The following CADPS2 variants were observed in gnomAD, a reference collection of about 807,000 sequenced individuals.
CADPS2 encodes calcium-dependent secretion activator 2.
Under a neutral mutation model 172.5 loss-of-function variants are expected in CADPS2, and 93 were observed. That is an observed-to-expected ratio of 0.54 (90% CI 0.46 to 0.64). The LOEUF is 0.64. CADPS2 is among the 30% of genes least tolerant of loss of function. CADPS2 has a pLI of 0.00. For missense variants in CADPS2, 1,420 were observed against 1,565.9 expected, an observed-to-expected ratio of 0.91 and a Z score of 1.57; for synonymous variants, 546 against 555.2, an observed-to-expected ratio of 0.98 and a Z score of 0.23.
chr7:122,668,836 T>A (rs527296416), intron 2 of CADPS2, among the ~76,000 whole-genome samples: 1 of 152,340 alleles, frequency 6.6e-6, no homozygotes, highest in South Asian at 2.1e-4. Flanking sequence ...GGAAGCCCTG[T>A]CTTCCCCACC....
chr7:122,808,250 A>C (rs5006721), intron 1 of CADPS2, among the ~76,000 whole-genome samples: 32,572 of 152,004 alleles, frequency 0.21, 3,708 homozygotes, highest in Middle Eastern at 0.32. Context: ...GTGTGTTGTT[A>C]AACTGCTTCC....
chr7:122,489,980 C>A, intron 11 of CADPS2, 101 bp downstream of exon 11: 1 of 939,090 alleles, frequency 1.1e-6, no homozygotes, highest in Non-Finnish European at 1.6e-6. Context: ...AATTAGGAAT[C>A]AATTAATGAT....
At chr7:122,364,726 CA>C (rs376223248) in intron 25 of CADPS2, among the ~76,000 whole-genome samples, 54 of 137,274 alleles carry the variant, frequency 3.9e-4, no homozygotes, top group Middle Eastern at 3.9e-3. Context: ...GACTCCATCT[CA>C]AAAAAAAAAA....
intron 2 of CADPS2, among the ~76,000 whole-genome samples, chr7:122,723,915 A>G (rs144320269): frequency 0.072 from 10,921 of 151,982 alleles, 434 homozygotes; most frequent in South Asian, 0.17. Flanking sequence ...ATTCTCAGCA[A>G]ACTGTCACAA....
chr7:122,869,454 A>G (rs1208172978), intron 1 of CADPS2, among the ~76,000 whole-genome samples: 2 of 152,046 alleles, frequency 1.3e-5, no homozygotes, highest in Non-Finnish European at 2.9e-5. Context: ...AAAAATAACA[A>G]AACTGCCAAT....
chr7:122,826,464 TA>T (rs1256519270), intron 1 of CADPS2, among the ~76,000 whole-genome samples: 1 of 152,084 alleles, frequency 6.6e-6, no homozygotes, highest in African/African-American at 2.4e-5. Context: ...TGAAAAGAGA[TA>T]ATCAACAGAA....
chr7:122,610,661 T>C (rs2133767634), intron 6 of CADPS2, among the ~76,000 whole-genome samples: 1 of 152,194 alleles, frequency 6.6e-6, no homozygotes, highest in South Asian at 2.1e-4. Context: ...CTAAAAATCA[T>C]CTAATCTACA....
intron 28 of CADPS2, among the ~76,000 whole-genome samples, chr7:122,341,151 T>C (rs1387034751): frequency 1.3e-5 from 2 of 152,214 alleles, no homozygotes; most frequent in African/African-American, 2.4e-5. Flanking sequence ...TTAAAAAAAT[T>C]TGGGTTTCAG....
chr7:122,880,718 G>A (rs964902210), intron 1 of CADPS2, among the ~76,000 whole-genome samples: 3 of 152,162 alleles, frequency 2.0e-5, no homozygotes, highest in African/African-American at 7.2e-5. Flanking sequence ...TGATTCTAAT[G>A]TGCAGTTAAG....
chr7:122,654,358 A>G (rs1350228621), intron 3 of CADPS2, among the ~76,000 whole-genome samples: 1 of 152,236 alleles, frequency 6.6e-6, no homozygotes, highest in Non-Finnish European at 1.5e-5. Flanking sequence ...GGGTTTTCAT[A>G]GCTACTGAGA....
intron 5 of CADPS2, among the ~76,000 whole-genome samples, chr7:122,615,633 A>G (rs1358598846): frequency 6.6e-6 from 1 of 152,166 alleles, no homozygotes; most frequent in South Asian, 2.1e-4. Flanking sequence ...CACATTAAGC[A>G]GAATCACAAA....
At chr7:122,580,129 A>C (rs180861488) in intron 7 of CADPS2, among the ~76,000 whole-genome samples, 1 of 152,234 alleles carries the variant, frequency 6.6e-6, no homozygotes, top group East Asian at 1.9e-4. Flanking sequence ...AATATCTCTG[A>C]ATACAGTCTT....
intron 28 of CADPS2, among the ~76,000 whole-genome samples, chr7:122,335,343 G>A (rs1585081347): frequency 6.6e-6 from 1 of 152,116 alleles, no homozygotes; most frequent in East Asian, 1.9e-4. Context: ...TCCACCTCCC[G>A]GGATCAAGTG....
intron 4 of CADPS2, 80 bp from the exon 5 acceptor site, chr7:122,621,797 C>T (rs2075633010): frequency 3.9e-6 from 3 of 768,274 alleles, no homozygotes; most frequent in Non-Finnish European, 4.2e-6. Context: ...GATATATATA[C>T]TTCACTGTCT....
intron 3 of CADPS2, among the ~76,000 whole-genome samples, chr7:122,641,517 G>A (rs1373881920): frequency 6.6e-6 from 1 of 151,962 alleles, no homozygotes; most frequent in Non-Finnish European, 1.5e-5. Context: ...GCTTACTTGA[G>A]GTTCTCAAAA....
chr7:122,527,721 T>C (rs1015633285), intron 8 of CADPS2, among the ~76,000 whole-genome samples: 2 of 149,202 alleles, frequency 1.3e-5, no homozygotes, highest in Non-Finnish European at 3.0e-5. Context: ...CCCAGCCCAG[T>C]CACAGATAGT....
At chr7:122,435,207 T>G (rs10227905) in intron 17 of CADPS2, among the ~76,000 whole-genome samples, 61,398 of 151,918 alleles carry the variant, frequency 0.4, 12,536 homozygotes, top group African/African-American at 0.44. Flanking sequence ...ACAACAAAAT[T>G]AAAAAGGCAA....
At chr7:122,703,664 T>C (rs1316900779) in intron 2 of CADPS2, among the ~76,000 whole-genome samples, 1 of 152,084 alleles carries the variant, frequency 6.6e-6, no homozygotes, top group Non-Finnish European at 1.5e-5. Context: ...CACTGTAGGG[T>C]TCTAAGCCAG....
At chr7:122,819,040 T>C (rs1277787884) in intron 1 of CADPS2, among the ~76,000 whole-genome samples, 1 of 152,190 alleles carries the variant, frequency 6.6e-6, no homozygotes, top group Non-Finnish European at 1.5e-5. Context: ...TAACCTCGCC[T>C]TCAAGGTGAA....
Sources: gnomAD v4.1 joint callset for allele counts (sites outside exome capture counted in the v4.1 genomes callset) on GRCh38, gnomAD v4.1.1 for gene constraint, MANE v1.5 for transcripts, NCBI Gene and HGNC (gene_info 2026-07-23, HGNC 2026-07-21) for gene names.